Variants in USP24 observed in about 807,000 individuals in gnomAD.
USP24 encodes ubiquitin specific peptidase 24.
In USP24, 97 loss-of-function variants were observed where a neutral mutation model predicts 361.6. The observed-to-expected ratio is 0.27, with a 90% CI of 0.23 to 0.32. The LOEUF (loss-of-function observed/expected upper bound fraction) is 0.32. Ranked by LOEUF, USP24 falls within the 10% of genes least tolerant of loss-of-function variation. The probability of loss-of-function intolerance (pLI) is 1.00; values close to 1 mark genes in which losing one functional copy is unlikely to be tolerated. For synonymous variants in USP24, 1,098 were observed against 1,124.6 expected, an observed-to-expected ratio of 0.98 and a Z score of 0.47; for missense variants, 2,353 against 3,165.6, an observed-to-expected ratio of 0.74 and a Z score of 6.16.
intron 3 of USP24, among the ~76,000 whole-genome samples, chr1:55,174,770 A>G (rs1043061207): frequency 6.6e-6 from 1 of 152,226 alleles, no homozygotes. Flanking sequence ...ATGTTACAAT[A>G]TAACAATTTT....
Position 55,075,474 on chromosome 1 carries a change from G to C in USP24, c.7430C>G (p.Thr2477Arg). The C allele has an allele frequency of 6.2e-7, 1 of 1,603,792 alleles. No individual in the cohort carries two copies. The highest frequency in any genetic ancestry group is 8.5e-7 in the Non-Finnish European group (1 of 1,175,232). Reference sequence around the variant, plus strand: ...ATACTTGCCTAGTAATCCATTTTCTGTCTCAAACACAAATTTGACTCGCTC... The same window carrying C: ...ATACTTGCCTAGTAATCCATTTTCTCTCTCAAACACAAATTTGACTCGCTC... Reference protein sequence around the residue: ...QVERVKFVFETENGLLALMHH... With the variant: ...QVERVKFVFERENGLLALMHH... Residue 2477 changes from threonine (T) to arginine (R), a missense_variant, in exon 63 of 68, where the codon ACA (threonine) becomes AGA (arginine). Coordinates refer to ENST00000294383, the MANE Select transcript of USP24 (RefSeq NM_015306.3).
intron 65 of USP24, 43 bp from the exon 66 acceptor site, chr1:55,072,446 G>GC (rs752228928): frequency 2.0e-6 from 3 of 1,494,396 alleles, no homozygotes; most frequent in East Asian, 4.5e-5. Context: ...TGACAAATAA[G>GC]CCCCCATGGG....
At chr1:55,158,756 CT>C in intron 10 of USP24, 121 bp downstream of exon 10, 1 of 907,562 alleles carries the variant, frequency 1.1e-6, no homozygotes. Context: ...CAATCATTCT[CT>C]TTTTTATATG....
In USP24 at chr1:55,099,756, T is replaced by C. The variant is rs762944268; in HGVS notation, c.5370+15A>G. ...GAGTTTGAGGGAGTTAGAGGGAAAGTACAACTTTTACTACCTTGAGGTATT... is the reference window on the plus strand; with the variant it reads ...GAGTTTGAGGGAGTTAGAGGGAAAGCACAACTTTTACTACCTTGAGGTATT... On this transcript the variant is annotated intron_variant, in intron 45 of 67. Transcript: ENST00000294383. 1 of 1,536,088 alleles carries C rather than the reference T, an allele frequency of 6.5e-7. No individual in the cohort carries two copies.
chr1:55,125,900 A>G, intron 32 of USP24, 142 bp from the exon 33 acceptor site: 1 of 684,342 alleles, frequency 1.5e-6, no homozygotes, highest in South Asian at 2.2e-5. Flanking sequence ...ACATATATCT[A>G]TCATAATAAT....
rs1452087041 is a variant in USP24, at chr1:55,107,347, G to A, written c.4654C>T (p.Arg1552Cys). 2 of 1,613,724 alleles carry A rather than the reference G, an allele frequency of 1.2e-6. No homozygotes were observed. The highest frequency in any genetic ancestry group is 1.7e-6 in the Non-Finnish European group (2 of 1,179,866). ...TCACTGGTCTCACATTCAGCTGTAC[G>A]ATTAGGTTCAAAGTTATCCAGCCAA... ...ITWLDNFEPN[R>C]TAECETSEAD... The change falls in exon 40 of 68, where the codon CGT becomes TGT. Residue 1552 changes from arginine to cysteine, a missense_variant. By Grantham distance (180) the Arg-to-Cys change is radical. Around this residue, in one of 8 missense-constraint regions of USP24, gnomAD observed 949 missense variants for 1,280.5 expected, o/e 0.74. Transcript: ENST00000294383.
At chr1:55,154,853 C>G (rs1647466777) in intron 12 of USP24, 75 bp from the exon 13 acceptor site, 2 of 1,112,432 alleles carry the variant, frequency 1.8e-6, no homozygotes, top group Non-Finnish European at 2.6e-6. Flanking sequence ...TGGCAACTTA[C>G]AGAAGCACAA....
At chr1:55,194,864 T>C (rs908094231) in intron 1 of USP24, among the ~76,000 whole-genome samples, 1 of 152,172 alleles carries the variant, frequency 6.6e-6, no homozygotes, top group Non-Finnish European at 1.5e-5. Context: ...TTCTTCTGAA[T>C]AGTCTGTCCT....
rs1319174666 is a variant in USP24, at chr1:55,097,925, A to G, written c.5595+18T>C. ...ATAACAAATTAATCTTGTTTTTTAAAAAGGGCAAACATAATACCTTTTCTT... is the reference window on the plus strand; with the variant it reads ...ATAACAAATTAATCTTGTTTTTTAAGAAGGGCAAACATAATACCTTTTCTT... On this transcript the variant is annotated intron_variant, in intron 47 of 67. Coordinates refer to ENST00000294383, the MANE Select transcript of USP24 (RefSeq NM_015306.3). The G allele has an allele frequency of 2.5e-6, 4 of 1,573,314 alleles. No homozygotes were observed. The highest frequency in any genetic ancestry group is 3.4e-6 in the Non-Finnish European group (4 of 1,165,670).
intron 1 of USP24, among the ~76,000 whole-genome samples, chr1:55,185,406 T>C (rs1353243055): frequency 6.6e-6 from 1 of 151,064 alleles, no homozygotes; most frequent in Non-Finnish European, 1.5e-5. Context: ...AGAGTAGAAA[T>C]AAATAAATTT....
At position 55,154,200 on chromosome 1, in the gene USP24, C is replaced by T; in HGVS notation, c.1731G>A (p.Leu577=). 1 of 1,613,622 alleles carries T rather than the reference C, an allele frequency of 6.2e-7. No homozygotes were observed. Among genetic ancestry groups the T allele is most frequent in the African/African-American group, 1.3e-5 (1 of 75,022 alleles). Residue 577 remains leucine, a synonymous_variant, in exon 15 of 68, where the codon CTG becomes CTA. Coordinates refer to ENST00000294383, the MANE Select transcript of USP24 (RefSeq NM_015306.3). ...SLIQQALEEH[L]TILSDAYAVK... Reference sequence around the variant, plus strand: ...CTGCATATGCATCACTAAGGATTGTCAGGTGCTCCTCCAAGGCCTGCTGAA... The same window carrying T: ...CTGCATATGCATCACTAAGGATTGTTAGGTGCTCCTCCAAGGCCTGCTGAA...
In USP24 at chr1:55,183,842, G is replaced by C. The variant is rs545182557; in HGVS notation, c.325-5710C>G. The stretch of plus-strand genomic sequence containing the variant: ...ATACACACATACAGGAGCTGGAATG[G>C]CTATATTAGACAGAACAGACGTTAA... On this transcript the variant is annotated intron_variant, in intron 1 of 67. Transcript: ENST00000294383. Among the ~76,000 whole-genome samples the C allele has an allele frequency of 5.3e-5, 8 of 152,118 alleles. No individual in the cohort carries two copies. The South Asian group carries it at 8.3e-4, about 16-fold the overall frequency.
chr1:55,092,986 T>C (rs936148787), intron 52 of USP24, 70 bp from the exon 53 acceptor site: 2 of 1,041,034 alleles, frequency 1.9e-6, no homozygotes, highest in Non-Finnish European at 1.4e-6. Context: ...ACATTTCTAA[T>C]GATATGTAAA....
In USP24 at chr1:55,107,379, T is replaced by C. The variant is rs1645804490; in HGVS notation, c.4622A>G (p.Glu1541Gly). ...RISPATMLED[E>G]ITWLDNFEPN... ...TTCAAAGTTATCCAGCCAAGTAATC[T>C]CATCTTCAAGCATCGTAGCTGGGCT... The change falls in exon 40 of 68, where the codon GAG (glutamate) becomes GGG (glycine). Residue 1541 changes from glutamate (E) to glycine (G), a missense_variant. Around this residue, in one of 8 missense-constraint regions of USP24, gnomAD observed 949 missense variants for 1,280.5 expected, o/e 0.74. Transcript: ENST00000294383. 6.2e-7 allele frequency: 1 copy of C among 1,613,584 alleles called. No individual in the cohort carries two copies. The highest frequency in any genetic ancestry group is 1.3e-5 in the African/African-American group (1 of 74,860).
chr1:55,158,770 T>C, intron 10 of USP24, 108 bp downstream of exon 10: 1 of 967,632 alleles, frequency 1.0e-6, no homozygotes, highest in Non-Finnish European at 1.4e-6. Flanking sequence ...TTTATATGAT[T>C]ACAATAAATT....
chr1:55,184,970 T>TA lies in USP24; in HGVS notation c.325-6839_325-6838insT, dbSNP rs959620849. 3.9e-5 allele frequency among the ~76,000 whole-genome samples: 6 copies of TA among 152,146 alleles called. No individual in the cohort carries two copies. The East Asian group carries it at 7.7e-4, about 20-fold the overall frequency. On this transcript the variant is annotated intron_variant, in intron 1 of 67. Transcript: ENST00000294383. ...GTTTTGGGATTTTTATTTTTATTTT[T>TA]TTTTTGACATGGGGTCTTGTTCTGC...
At chr1:55,096,405 T>G (rs1473752123) in intron 50 of USP24, 93 bp downstream of exon 50, 2 of 1,070,436 alleles carry the variant, frequency 1.9e-6, no homozygotes, top group African/African-American at 3.3e-5. Flanking sequence ...AATAACAAAA[T>G]CTGTTGTGTT....
chr1:55,125,794 A>G, intron 32 of USP24, 36 bp from the exon 33 acceptor site: 1 of 1,499,526 alleles, frequency 6.7e-7, no homozygotes, highest in Non-Finnish European at 9.0e-7. Context: ...GATATTAAAG[A>G]CTTCTATTTT....
chr1:55,120,644 T>G lies in USP24; in HGVS notation c.4460A>C (p.Gln1487Pro). The change falls in exon 38 of 68, where the codon CAG becomes CCG. Residue 1487 changes from glutamine (Q) to proline (P), a missense_variant. Physicochemically the swap from Gln to Pro is moderately conservative, Grantham distance 76. Around this residue, in one of 8 missense-constraint regions of USP24, gnomAD observed 949 missense variants for 1,280.5 expected, o/e 0.74. Coordinates refer to ENST00000294383, the MANE Select transcript of USP24 (RefSeq NM_015306.3). ...QFLLGVILTA[Q>P]LPLWSPTSIM... The stretch of plus-strand genomic sequence containing the variant: ...ACTAGTTGGAGACCAGAGAGGCAGC[T>G]GAGCCGTGAGGATTACGCCTAGAAG... 6.4e-7 allele frequency: 1 copy of G among 1,559,440 alleles called. No individual in the cohort carries two copies. The highest frequency in any genetic ancestry group is 8.7e-7 in the Non-Finnish European group (1 of 1,150,626).
Sources: allele counts gnomAD v4.1 joint callset (sites outside exome capture counted in the v4.1 genomes callset), GRCh38; gene constraint gnomAD v4.1.1; regional missense constraint gnomAD v4.1.1; transcripts MANE v1.5; gene names NCBI Gene and HGNC (gene_info 2026-07-23, HGNC 2026-07-21).